Variants in LRRK1 observed in about 807,000 individuals in gnomAD.
LRRK1 encodes the protein leucine rich repeat kinase 1, also known as leucine-rich repeat serine/threonine-protein kinase 1.
LRRK1 carries 113 observed loss-of-function variants against 209.1 expected under a neutral mutation model. That is an observed-to-expected ratio of 0.54 (90% confidence interval 0.46 to 0.63). The LOEUF (loss-of-function observed/expected upper bound fraction) is 0.63. LRRK1 is among the 30% of genes least tolerant of loss of function. LRRK1 has a pLI of 0.00. For synonymous variants in LRRK1, 1,144 were observed against 1,099.7 expected, an observed-to-expected ratio of 1.04 and a Z score of -0.80; for missense variants, 2,284 against 2,632.2, an observed-to-expected ratio of 0.87 and a Z score of 2.89.
At chr15:100,941,434 G>GTGTGTGTGTCTCTGTGTGTGTC (rs2042425460) in intron 2 of LRRK1, among the ~76,000 whole-genome samples, 7 of 7,804 alleles carry the variant, frequency 9.0e-4, no homozygotes, top group African/African-American at 2.0e-3. Flanking sequence ...GTGTCTGTGT[G>GTGTGTGTGTCTCTGTGTGTGTC]TGTGTGTGTG....
In LRRK1 at chr15:100,946,306, G is replaced by A. The variant is rs28430293; in HGVS notation, c.97+21577G>A. On this transcript the variant is annotated intron_variant, in intron 2 of 33. Transcript: ENST00000388948. ...TACAGGAAAGTTCAGGTGGGGAGGGGATGGGGTGAGAGGAGGGGAGGAGAT... is the reference window on the plus strand; with the variant it reads ...TACAGGAAAGTTCAGGTGGGGAGGGAATGGGGTGAGAGGAGGGGAGGAGAT... Among the ~76,000 whole-genome samples, 499 of 152,256 alleles carry A rather than the reference G, an allele frequency of 3.3e-3. 7 individuals carry two copies. The highest frequency in any genetic ancestry group is 0.011 in the African/African-American group (458 of 41,538).
intron 19 of LRRK1, among the ~76,000 whole-genome samples, chr15:101,028,144 G>A (rs908825080): frequency 2.0e-5 from 3 of 152,150 alleles, no homozygotes; most frequent in East Asian, 1.9e-4. Flanking sequence ...AAGTCACCGC[G>A]ATCACTGAAA....
rs8033341 is a variant in LRRK1 at position 100,965,721 on chromosome 15, C to T, written c.98-8083C>T. ...CCTGAAAAAAAAAATCTCCCTGGTG[C>T]TATTCATTTATCCTTCTCCTCCTTT... is the stretch of plus-strand genomic sequence containing the variant. On this transcript the variant is annotated intron_variant, in intron 2 of 33. Coordinates refer to ENST00000388948, the MANE Select transcript of LRRK1 (RefSeq NM_024652.6). Among the ~76,000 whole-genome samples, 1,228 of 152,226 alleles carry T rather than the reference C, an allele frequency of 8.1e-3. 17 individuals are homozygous for T. The highest frequency in any genetic ancestry group is 0.028 in the African/African-American group (1,164 of 41,522).
chr15:101,012,907 G>T (rs138049759), intron 10 of LRRK1, among the ~76,000 whole-genome samples: 2 of 152,102 alleles, frequency 1.3e-5, no homozygotes, highest in Non-Finnish European at 2.9e-5. Flanking sequence ...CCCCGGGGGG[G>T]GGTGGTCCCA....
intron 2 of LRRK1, among the ~76,000 whole-genome samples, chr15:100,957,843 A>T (rs2042795733): frequency 1.3e-5 from 2 of 152,162 alleles, no homozygotes; most frequent in African/African-American, 4.8e-5. Context: ...TTTTTTAATT[A>T]TTTTCGGATT....
In LRRK1 at chr15:101,053,054, CA is replaced by C; in HGVS notation, c.3828del (p.Lys1276AsnfsTer14). 1.9e-6 allele frequency: 3 copies of C among 1,611,778 alleles called. No individual in the cohort carries two copies. Among genetic ancestry groups the C allele is most frequent in the Non-Finnish European group, 2.5e-6 (3 of 1,178,512 alleles). On this transcript the variant is annotated frameshift_variant, in exon 25 of 34. Coordinates refer to ENST00000388948, the MANE Select transcript of LRRK1 (RefSeq NM_024652.6). LOFTEE classifies it high-confidence loss of function. ...CTGTGGCCGTCAAGCGCTTCCACAT[CA>C]AAAAATTCAAGAACTTTGCTAACGT... ...QPVAVKRFHI[K>X]KFKNFANVPA...
intron 2 of LRRK1, among the ~76,000 whole-genome samples, chr15:100,961,917 C>T (rs7170223): frequency 0.052 from 7,988 of 152,224 alleles, 327 homozygotes; most frequent in African/African-American, 0.11. Flanking sequence ...CACCAATGAC[C>T]AATACATGAA....
chr15:100,921,592 G>A (rs2042023199), intron 1 of LRRK1, among the ~76,000 whole-genome samples: 1 of 152,276 alleles, frequency 6.6e-6, no homozygotes, highest in Middle Eastern at 3.4e-3. Flanking sequence ...AAATATCTGG[G>A]CTTCTCTGCT....
chr15:100,958,951 T>C (rs899125880), intron 2 of LRRK1, among the ~76,000 whole-genome samples: 1 of 152,206 alleles, frequency 6.6e-6, no homozygotes, highest in Admixed American at 6.5e-5. Flanking sequence ...AGGTCTCAGA[T>C]ACTTTTATGA....
intron 2 of LRRK1, among the ~76,000 whole-genome samples, chr15:100,958,461 A>C (rs1567200442): frequency 6.6e-6 from 1 of 152,228 alleles, no homozygotes; most frequent in Admixed American, 6.5e-5. Flanking sequence ...GTGCTAAAGC[A>C]AGGCTTTTGT....
chr15:100,948,916 A>G (rs1250531963), intron 2 of LRRK1, among the ~76,000 whole-genome samples: 1 of 152,170 alleles, frequency 6.6e-6, no homozygotes, highest in Non-Finnish European at 1.5e-5. Context: ...CCTATATGTA[A>G]AAAAGAAGAA....
At chr15:101,023,260 G>T (rs2033879937) in intron 15 of LRRK1, among the ~76,000 whole-genome samples, 1 of 152,036 alleles carries the variant, frequency 6.6e-6, no homozygotes. Context: ...AACCCGGGAG[G>T]TGGAGGTTGC....
rs1013772472 is a variant in LRRK1, at chr15:101,015,398, G to C, written c.1605G>C (p.Glu535Asp). 5.0e-6 allele frequency: 8 copies of C among 1,612,538 alleles called. No homozygotes were observed. The Admixed American group carries it at 6.7e-5, about 13-fold the overall frequency. The stretch of plus-strand genomic sequence containing the variant: ...GAGGTCGCCAGCGCTCCGGGACTGA[G>C]GCAGGTGTGTGTGGGTTGGGAGACG... Reference protein sequence around the residue: ...TTRGRQRSGTEAASVLEFPAF... With the variant: ...TTRGRQRSGTDAASVLEFPAF... Residue 535 changes from glutamate to aspartate, a missense_variant, in exon 12 of 34, where the codon GAG (glutamate) becomes GAC (aspartate). Around this residue, in one of 6 missense-constraint regions of LRRK1, gnomAD observed 494 missense variants for 522.1 expected, o/e 0.95. Transcript: ENST00000388948.
Position 101,027,706 on chromosome 15 carries a change from C to T in LRRK1, c.2595C>T (p.Asp865=), listed in dbSNP as rs368817453. Residue 865 remains aspartate (D), a synonymous_variant, in exon 19 of 34, where the codon GAC becomes GAT. Transcript: ENST00000388948. This position sits in a 1 kb window ranked among gnomAD's most constrained non-coding sequence, Gnocchi z 5.1. The part of the protein sequence containing the change: ...LAEQQRRSRD[D]DVQYLTDRQL... Reference sequence around the variant, plus strand: ...AGCAGCAGCGCCGCAGCCGGGACGACGACGTGCAGTACCTGACGGACAGGC... The same window carrying T: ...AGCAGCAGCGCCGCAGCCGGGACGATGACGTGCAGTACCTGACGGACAGGC... The T allele has an allele frequency of 3.2e-5, 52 of 1,612,650 alleles. No individual in the cohort carries two copies. In the Admixed American group the frequency reaches 7.5e-4, roughly 23 times the overall value.
At chr15:101,050,873 G>A (rs2035389234) in intron 23 of LRRK1, 1 of 152,350 alleles carries the variant, frequency 6.6e-6, no homozygotes. Context: ...TGTCTAAGGG[G>A]GCCCTTAGGC....
intron 3 of LRRK1, among the ~76,000 whole-genome samples, chr15:100,976,089 T>A (rs1343232629): frequency 6.6e-6 from 1 of 151,918 alleles, no homozygotes; most frequent in East Asian, 1.9e-4. Context: ...TTAGATGAAA[T>A]GAACAAATAA....
chr15:101,066,021 T>G lies in LRRK1; in HGVS notation c.5584T>G (p.Ser1862Ala). 1 of 1,613,876 alleles carries G rather than the reference T, an allele frequency of 6.2e-7. No individual in the cohort carries two copies. Among genetic ancestry groups the G allele is most frequent in the Non-Finnish European group, 8.5e-7 (1 of 1,179,966 alleles). The change falls in exon 32 of 34, where the codon TCC (serine) becomes GCC (alanine). Residue 1862 changes from serine (S) to alanine (A), a missense_variant. By Grantham distance (99) the Ser-to-Ala change is moderately conservative. Around this residue, in one of 6 missense-constraint regions of LRRK1, gnomAD observed 643 missense variants for 695.9 expected, o/e 0.92. Coordinates refer to ENST00000388948, the MANE Select transcript of LRRK1 (RefSeq NM_024652.6). ...AARSPSSLPS[S>A]PASSSSVPFS... is the part of the protein sequence containing the mutation. Reference sequence around the variant, plus strand: ...CAGGTCCCCCTCAAGCCTCCCCAGCTCCCCAGCAAGTTCTTCCAGTGTGCC... The same window carrying G: ...CAGGTCCCCCTCAAGCCTCCCCAGCGCCCCAGCAAGTTCTTCCAGTGTGCC...
Position 101,021,128 on chromosome 15 carries a change from C to T in LRRK1, c.1685C>T (p.Thr562Ile), listed in dbSNP as rs1198339219. ...TGCCTGAACGACAACCACCTCGACA[C>T]AGTCCCTCCCTCGGTTTGCCTACTG... ...VLCLNDNHLD[T>I]VPPSVCLLKS... is the part of the protein sequence containing the mutation. The change falls in exon 13 of 34, where the codon ACA becomes ATA. Residue 562 changes from threonine (T) to isoleucine (I), a missense_variant. Transcript: ENST00000388948. 1.9e-6 allele frequency: 3 copies of T among 1,614,020 alleles called. No homozygotes were observed. The African/African-American group carries it at 4.0e-5, about 22-fold the overall frequency.
chr15:100,982,195 G>A (rs1158375954), intron 3 of LRRK1, among the ~76,000 whole-genome samples: 4 of 152,188 alleles, frequency 2.6e-5, no homozygotes, highest in Non-Finnish European at 2.9e-5. Context: ...TAGATCCTCA[G>A]TAGGTGTTGA....
Sources: allele counts gnomAD v4.1 joint callset (sites outside exome capture counted in the v4.1 genomes callset), GRCh38; gene constraint gnomAD v4.1.1; regional missense constraint gnomAD v4.1.1; non-coding constraint Gnocchi (gnomAD v3.1); transcripts MANE v1.5; gene names NCBI Gene and HGNC (gene_info 2026-07-23, HGNC 2026-07-21).